The following ARL8B variants were observed in gnomAD, a reference collection of about 807,000 sequenced individuals.
ARL8B encodes ARF like GTPase 8B.
ARL8B carries 9 observed loss-of-function variants against 30.6 expected under a neutral mutation model. That is an observed-to-expected ratio of 0.29 (90% CI 0.18 to 0.51). ARL8B has a LOEUF of 0.51. Among genes scored for constraint, ARL8B ranks in the 20% least tolerant of loss-of-function variants. ARL8B has a pLI of 0.97. For missense variants in ARL8B, 130 were observed against 227.2 expected (o/e 0.57, Z 2.75); for synonymous variants, 74 against 76.0 (o/e 0.97, Z 0.14).
chr3:5,159,602 CAAAAAAAAAAAAAAA>C (rs71053495), intron 1 of ARL8B, among the ~76,000 whole-genome samples: 6 of 77,062 alleles, frequency 7.8e-5, no homozygotes, highest in Non-Finnish European at 1.0e-4. Flanking sequence ...AACTCCGTCT[CAAAAAAAAAAAAAAA>C]AAAAAAAAGA....
At chr3:5,170,140 T>C (rs1000534164) in intron 1 of ARL8B, among the ~76,000 whole-genome samples, 5 of 152,216 alleles carry the variant, frequency 3.3e-5, no homozygotes, top group African/African-American at 1.2e-4. Context: ...GTCAGAATAA[T>C]TTAAATGCTG....
intron 6 of ARL8B, among the ~76,000 whole-genome samples, chr3:5,177,124 A>G (rs537028021): frequency 6.7e-6 from 1 of 150,322 alleles, no homozygotes; most frequent in South Asian, 2.1e-4. Flanking sequence ...ATACTTCCTG[A>G]AAAAAAAACA....
At chr3:5,145,900 T>G (rs1283106533) in intron 1 of ARL8B, among the ~76,000 whole-genome samples, 1 of 152,210 alleles carries the variant, frequency 6.6e-6, no homozygotes, top group African/African-American at 2.4e-5. Context: ...AATATTTAAC[T>G]TCTTTTTCTA....
chr3:5,129,806 C>A (rs149315958), intron 1 of ARL8B, among the ~76,000 whole-genome samples: 3 of 152,226 alleles, frequency 2.0e-5, no homozygotes, highest in Middle Eastern at 3.4e-3. Context: ...TTACTTGAAG[C>A]CAGGAGTTGA....
chr3:5,142,904 A>G (rs1180973840), intron 1 of ARL8B, among the ~76,000 whole-genome samples: 1 of 152,132 alleles, frequency 6.6e-6, no homozygotes, highest in Non-Finnish European at 1.5e-5. Context: ...TTTGGCAGTT[A>G]TTTGGCAAGG....
intron 1 of ARL8B, among the ~76,000 whole-genome samples, chr3:5,165,207 C>T (rs757446399): frequency 1.3e-5 from 2 of 152,130 alleles, no homozygotes; most frequent in Non-Finnish European, 2.9e-5. Context: ...CAAAATTTCC[C>T]CCTAGACGAG....
At chr3:5,164,223 GT>G (rs1395432158) in intron 1 of ARL8B, among the ~76,000 whole-genome samples, 5 of 152,104 alleles carry the variant, frequency 3.3e-5, no homozygotes, top group Non-Finnish European at 7.4e-5. Flanking sequence ...GTTAACTTTA[GT>G]TATAACTCTT....
At chr3:5,170,248 A>G (rs2054660937) in intron 1 of ARL8B, among the ~76,000 whole-genome samples, 1 of 152,238 alleles carries the variant, frequency 6.6e-6, no homozygotes, top group South Asian at 2.1e-4. Context: ...AAATTCTTTT[A>G]GCATAAGGAA....
At chr3:5,161,279 T>G (rs2054577998) in intron 1 of ARL8B, among the ~76,000 whole-genome samples, 3 of 152,068 alleles carry the variant, frequency 2.0e-5, no homozygotes. Flanking sequence ...TTTGCCAGAT[T>G]ACCATAAACT....
chr3:5,135,744 A>G (rs2054318943), intron 1 of ARL8B, among the ~76,000 whole-genome samples: 1 of 147,596 alleles, frequency 6.8e-6, no homozygotes, highest in Admixed American at 6.9e-5. Flanking sequence ...GGCGTGAGCC[A>G]CCGCACCTGG....
intron 1 of ARL8B, among the ~76,000 whole-genome samples, chr3:5,140,574 A>G (rs1285223663): frequency 2.1e-5 from 3 of 145,308 alleles, no homozygotes; most frequent in African/African-American, 7.9e-5. Flanking sequence ...TTTTTTTGGC[A>G]AAATTTCAAC....
At position 5,122,332 on chromosome 3, in the gene ARL8B, C is replaced by T. The variant is rs111620405; in HGVS notation, c.-134C>T. 7.8e-6 allele frequency: 12 copies of T among 1,532,980 alleles called. No individual in the cohort carries two copies. The highest frequency in any genetic ancestry group is 5.5e-5 in the African/African-American group (4 of 72,562). The allele number at this position is 1,532,980 out of a possible 1,614,324, so 95.0% of individuals were successfully genotyped here. The stretch of plus-strand genomic sequence containing the variant: ...CTTCCTGGGTCTGGCTGCTGCCGCC[C>T]GCCGGTGTCCGCCCGTGTCGCGCCG... On this transcript the variant is annotated 5_prime_UTR_variant, in exon 1 of 7. Transcript: ENST00000256496.
At chr3:5,172,056 A>G (rs2054681568) in intron 2 of ARL8B, 94 bp from the exon 3 acceptor site, 1 of 1,226,190 alleles carries the variant, frequency 8.2e-7, no homozygotes, top group Non-Finnish European at 1.2e-6. Context: ...AGAAATAAAT[A>G]TATCTTCCCG....
intron 1 of ARL8B, among the ~76,000 whole-genome samples, chr3:5,129,645 C>G (rs996273228): frequency 6.6e-6 from 1 of 152,048 alleles, no homozygotes; most frequent in Non-Finnish European, 1.5e-5. Flanking sequence ...GGCCCTGGCT[C>G]AAGAGATCCC....
rs890345400 is a variant in ARL8B, at chr3:5,133,045, T to C, written c.123+10457T>C. ...AGTGTTTTGGGCAGCATAAATATAATGGGGAGCAAAGCAGACAATGTTCTT... is the reference window on the plus strand; with the variant it reads ...AGTGTTTTGGGCAGCATAAATATAACGGGGAGCAAAGCAGACAATGTTCTT... On this transcript the variant is annotated intron_variant, in intron 1 of 6. Coordinates refer to ENST00000256496, the MANE Select transcript of ARL8B (RefSeq NM_018184.3). Among the ~76,000 whole-genome samples, 4 of 152,068 alleles carry C rather than the reference T, an allele frequency of 2.6e-5. No homozygotes were observed. The East Asian group carries it at 7.7e-4, about 29-fold the overall frequency.
chr3:5,149,630 C>G (rs776889829), intron 1 of ARL8B, among the ~76,000 whole-genome samples: 1 of 152,196 alleles, frequency 6.6e-6, no homozygotes, highest in African/African-American at 2.4e-5. Context: ...GTCCCCTTCC[C>G]CACTTAAGTT....
intron 4 of ARL8B, 72 bp from the exon 5 acceptor site, chr3:5,173,945 A>T: frequency 9.0e-7 from 1 of 1,109,740 alleles, no homozygotes; most frequent in Non-Finnish European, 1.4e-6. Context: ...GTGTCTTCAC[A>T]TATCAAGATG....
At chr3:5,124,201 G>T (rs912943602) in intron 1 of ARL8B, among the ~76,000 whole-genome samples, 1 of 150,860 alleles carries the variant, frequency 6.6e-6, no homozygotes, top group African/African-American at 2.4e-5. Context: ...TTTGCGCTTG[G>T]AATGACTATC....
chr3:5,165,438 C>A (rs1295391313), intron 1 of ARL8B, among the ~76,000 whole-genome samples: 1 of 152,092 alleles, frequency 6.6e-6, no homozygotes, highest in African/African-American at 2.4e-5. Context: ...TTTAGTTGGT[C>A]ATATCCTCTC....
Sources: allele counts gnomAD v4.1 joint callset (sites outside exome capture counted in the v4.1 genomes callset), GRCh38; gene constraint gnomAD v4.1.1; transcripts MANE v1.5; gene names NCBI Gene and HGNC (gene_info 2026-07-23, HGNC 2026-07-21).